CCDC146: variants seen among roughly 807,000 people sequenced by gnomAD.
CCDC146 encodes coiled-coil domain containing 146, also known as coiled-coil domain-containing protein 146.
Under a neutral mutation model 119.3 loss-of-function variants are expected in CCDC146, and 92 were observed. The ratio of observed to expected loss-of-function variants is 0.77; its 90% CI spans 0.65 to 0.92. The LOEUF is 0.92. Among genes scored for constraint, CCDC146 ranks in the 40% least tolerant of loss-of-function variants. CCDC146 has a pLI of 0.00. For synonymous variants in CCDC146, 372 were observed against 371.8 expected, an observed-to-expected ratio of 1.00 and a Z score of -0.01; for missense variants, 1,000 against 1,103.0, an observed-to-expected ratio of 0.91 and a Z score of 1.32.
intron 2 of CCDC146, among the ~76,000 whole-genome samples, chr7:77,213,672 G>A (rs1194619196): frequency 6.6e-6 from 1 of 151,912 alleles, no homozygotes; most frequent in Admixed American, 6.6e-5. Context: ...CCATCTTTAT[G>A]TCCATGTGTA....
intron 15 of CCDC146, among the ~76,000 whole-genome samples, chr7:77,284,475 T>C (rs17151014): frequency 0.27 from 40,857 of 151,718 alleles, 6,993 homozygotes; most frequent in African/African-American, 0.48. Flanking sequence ...AAGATTTAGG[T>C]CCATCTTTGC....
chr7:77,174,936 T>G (rs902332801), intron 2 of CCDC146, among the ~76,000 whole-genome samples: 11 of 152,028 alleles, frequency 7.2e-5, no homozygotes, highest in Admixed American at 2.0e-4. Context: ...GTAAAGACCT[T>G]CAATCAGTTT....
chr7:77,226,257 T>A (rs1562839291), intron 2 of CCDC146, among the ~76,000 whole-genome samples: 1 of 152,234 alleles, frequency 6.6e-6, no homozygotes, highest in African/African-American at 2.4e-5. Flanking sequence ...CCACTTATGC[T>A]TTCACATTTA....
At chr7:77,173,055 A>G (rs1248570022) in intron 2 of CCDC146, among the ~76,000 whole-genome samples, 12 of 152,068 alleles carry the variant, frequency 7.9e-5, no homozygotes, top group Non-Finnish European at 1.6e-4. Context: ...ATGGACACAG[A>G]GAGGGGAACA....
At position 77,241,835 on chromosome 7, in the gene CCDC146, C is replaced by G; in HGVS notation, c.384C>G (p.Leu128=). ...TCTCCAAAATGAGAGAACAACTTCTCAAGTATCAAAATGAATATAATGCAG... is the reference window on the plus strand; with the variant it reads ...TCTCCAAAATGAGAGAACAACTTCTGAAGTATCAAAATGAATATAATGCAG... ...TEVSKMREQL[L]KYQNEYNAVK... The change falls in exon 4 of 19, where the codon CTC becomes CTG. Residue 128 remains leucine, a synonymous_variant. Coordinates refer to ENST00000285871, the MANE Select transcript of CCDC146 (RefSeq NM_020879.3). 1 of 1,613,900 alleles carries G rather than the reference C, an allele frequency of 6.2e-7. No homozygotes were observed. Among genetic ancestry groups the G allele is most frequent in the Non-Finnish European group, 8.5e-7 (1 of 1,179,938 alleles).
At chr7:77,148,822 A>G (rs1290143359) in intron 1 of CCDC146, among the ~76,000 whole-genome samples, 6 of 152,180 alleles carry the variant, frequency 3.9e-5, no homozygotes, top group African/African-American at 1.2e-4. Flanking sequence ...GCTCAAGTAA[A>G]TAAGAAAGGA....
chr7:77,189,865 G>A (rs1279751101), intron 2 of CCDC146, among the ~76,000 whole-genome samples: 1 of 152,082 alleles, frequency 6.6e-6, no homozygotes. Context: ...CACCTCCACA[G>A]ACAGGCCTCT....
intron 2 of CCDC146, among the ~76,000 whole-genome samples, chr7:77,233,613 T>A (rs1792677715): frequency 6.6e-6 from 1 of 152,168 alleles, no homozygotes; most frequent in South Asian, 2.1e-4. Context: ...CCACCGTAGA[T>A]CATCAGGCAT....
intron 2 of CCDC146, among the ~76,000 whole-genome samples, chr7:77,171,499 C>T (rs1286190952): frequency 1.3e-5 from 2 of 152,204 alleles, no homozygotes; most frequent in African/African-American, 2.4e-5. Context: ...TCTCTCACTC[C>T]CTACCCACTG....
intron 1 of CCDC146, among the ~76,000 whole-genome samples, chr7:77,125,885 G>A (rs144725392): frequency 0.012 from 1,867 of 151,440 alleles, no homozygotes; most frequent in African/African-American, 0.043. Context: ...ATATATATAG[G>A]TACTAATTCT....
chr7:77,162,651 A>AT (rs1177936269), intron 1 of CCDC146, among the ~76,000 whole-genome samples: 8 of 151,240 alleles, frequency 5.3e-5, no homozygotes, highest in East Asian at 1.9e-4. Context: ...AAATTTTAGG[A>AT]TTTTTTTTTC....
chr7:77,239,049 C>A (rs188702207), intron 3 of CCDC146, among the ~76,000 whole-genome samples: 2 of 152,152 alleles, frequency 1.3e-5, no homozygotes, highest in Non-Finnish European at 2.9e-5. Context: ...GCAGATATAG[C>A]CTGGAAATAT....
At chr7:77,133,062 T>G (rs1790808649) in intron 1 of CCDC146, among the ~76,000 whole-genome samples, 1 of 151,872 alleles carries the variant, frequency 6.6e-6, no homozygotes, top group Middle Eastern at 3.4e-3. Flanking sequence ...TCCCTGCTAC[T>G]CGGGAGGCTG....
intron 2 of CCDC146, among the ~76,000 whole-genome samples, chr7:77,197,866 C>T (rs1308673393): frequency 6.6e-6 from 1 of 152,054 alleles, no homozygotes; most frequent in Admixed American, 6.5e-5. Context: ...TGAGGATAAG[C>T]ATAATAATCA....
intron 18 of CCDC146, among the ~76,000 whole-genome samples, chr7:77,294,122 G>C (rs146496202): frequency 1.1e-4 from 16 of 151,168 alleles, no homozygotes; most frequent in African/African-American, 3.4e-4. Context: ...GGGCAAAGCT[G>C]GTGACCATTT....
chr7:77,214,042 C>T (rs1310624630), intron 2 of CCDC146, among the ~76,000 whole-genome samples: 2 of 152,164 alleles, frequency 1.3e-5, no homozygotes, highest in Non-Finnish European at 2.9e-5. Flanking sequence ...AATTTCCATG[C>T]TGTTTTCCAC....
At chr7:77,135,692 C>T (rs567809055) in intron 1 of CCDC146, among the ~76,000 whole-genome samples, 4 of 151,886 alleles carry the variant, frequency 2.6e-5, no homozygotes, top group East Asian at 1.9e-4. Context: ...TGAACAGCAA[C>T]GATAAATGCA....
At chr7:77,287,653 T>G (rs1793873309) in intron 17 of CCDC146, 76 bp downstream of exon 17, 1 of 1,499,350 alleles carries the variant, frequency 6.7e-7, no homozygotes, top group Admixed American at 2.0e-5. Context: ...ACCGACAGAT[T>G]TATTGAGAGA....
intron 1 of CCDC146, among the ~76,000 whole-genome samples, chr7:77,125,817 TA>T (rs1790683347): frequency 6.6e-6 from 1 of 152,142 alleles, no homozygotes; most frequent in South Asian, 2.1e-4. Context: ...TCTTATGAAA[TA>T]TTAATAAACT....
Sources: gnomAD v4.1 joint callset for allele counts (sites outside exome capture counted in the v4.1 genomes callset) on GRCh38, gnomAD v4.1.1 for gene constraint, MANE v1.5 for transcripts, NCBI Gene and HGNC (gene_info 2026-07-23, HGNC 2026-07-21) for gene names.